The following ANXA8 variants were observed in gnomAD, a reference collection of about 807,000 sequenced individuals.
ANXA8 encodes VAC-beta.
A neutral mutation model predicts 26.8 loss-of-function variants in ANXA8; 9 were observed. That is an observed-to-expected ratio of 0.34 (90% confidence interval 0.20 to 0.59). ANXA8 has a LOEUF of 0.59. ANXA8 is among the 20% of genes least tolerant of loss of function. ANXA8 has a pLI of 0.84. For missense variants in ANXA8, 83 were observed against 238.5 expected, an observed-to-expected ratio of 0.35 and a Z score of 4.29; for synonymous variants, 39 against 94.8, an observed-to-expected ratio of 0.41 and a Z score of 3.42.
the ANXA8 span, among the ~76,000 whole-genome samples, chr10:47,546,212 A>AG: frequency 7.3e-6 from 1 of 136,758 alleles, no homozygotes; most frequent in African/African-American, 2.8e-5. Context: ...ATCTCCTCAC[A>AG]GAAAAAAAAA....
At chr10:47,588,141 T>A in the ANXA8 span, among the ~76,000 whole-genome samples, 9 of 144,144 alleles carry the variant, frequency 6.2e-5, no homozygotes, top group Non-Finnish European at 1.2e-4. Context: ...TGAAGTCTCT[T>A]TATTAAAGAC....
At chr10:47,969,224 C>A in the ANXA8 span, among the ~76,000 whole-genome samples, 1 of 151,400 alleles carries the variant, frequency 6.6e-6, no homozygotes, top group Admixed American at 6.6e-5. Flanking sequence ...ACAGTTACAC[C>A]GACCTGACAA....
At chr10:47,591,097 A>T in the ANXA8 span, among the ~76,000 whole-genome samples, 2 of 144,718 alleles carry the variant, frequency 1.4e-5, no homozygotes, top group Admixed American at 1.3e-4. Flanking sequence ...GATTAACAGT[A>T]ACTCTAATTG....
At chr10:47,639,979 A>T in the ANXA8 span, among the ~76,000 whole-genome samples, 3 of 145,578 alleles carry the variant, frequency 2.1e-5, no homozygotes, top group South Asian at 6.4e-4. Flanking sequence ...TTTTGTAGAG[A>T]CAGGGTTTCA....
At chr10:47,502,202 G>A in the ANXA8 span, 15 of 1,541,384 alleles carry the variant, frequency 9.7e-6, 3 homozygotes, top group African/African-American at 1.7e-4. Flanking sequence ...CACCCCGTCA[G>A]GAGCTGCTCC....
chr10:47,767,663 T>A, the ANXA8 span, among the ~76,000 whole-genome samples: 1 of 151,536 alleles, frequency 6.6e-6, no homozygotes, highest in Non-Finnish European at 1.5e-5. Flanking sequence ...CCTAGTTCAT[T>A]TCTGGCTGCA....
the ANXA8 span, chr10:47,502,514 G>A: frequency 2.5e-6 from 4 of 1,613,024 alleles, no homozygotes; most frequent in Non-Finnish European, 3.4e-6. Context: ...CTGTTGGCTA[G>A]CTCATTGCCA....
the ANXA8 span, among the ~76,000 whole-genome samples, chr10:47,659,455 G>A: frequency 4.6e-5 from 7 of 151,612 alleles, no homozygotes; most frequent in South Asian, 4.1e-4. Flanking sequence ...CGAGGTGGGC[G>A]GATCACCTGA....
intron 3 of ANXA8, chr10:47,478,211 C>A: frequency 1.9e-6 from 1 of 531,442 alleles, no homozygotes; most frequent in South Asian, 2.0e-5. Context: ...AGCCTGGGGG[C>A]AGGGAGACAG....
At chr10:47,647,075 A>G in the ANXA8 span, among the ~76,000 whole-genome samples, 1 of 152,238 alleles carries the variant, frequency 6.6e-6, no homozygotes, top group African/African-American at 2.4e-5. Context: ...GTGTGCTCCT[A>G]TGAGGAGTTC....
chr10:47,949,361 G>A, the ANXA8 span, among the ~76,000 whole-genome samples: 1 of 149,622 alleles, frequency 6.7e-6, no homozygotes, highest in Non-Finnish European at 1.5e-5. Context: ...AAGAGACAAG[G>A]AGCTGGGTAA....
chr10:47,895,740 C>T, the ANXA8 span, among the ~76,000 whole-genome samples: 1 of 142,686 alleles, frequency 7.0e-6, no homozygotes, highest in Non-Finnish European at 1.5e-5. Flanking sequence ...CAAATATTTG[C>T]CATGGCTTCT....
At chr10:47,488,471 G>A (rs1368170040), upstream of ANXA8, among the ~76,000 whole-genome samples, 6 of 150,048 alleles carry the variant, frequency 4.0e-5, no homozygotes, top group South Asian at 2.1e-4. Context: ...TTGGCTTCCC[G>A]AAGGGCTAGG....
the ANXA8 span, among the ~76,000 whole-genome samples, chr10:47,654,119 A>C: frequency 6.6e-5 from 10 of 151,810 alleles, no homozygotes; most frequent in Non-Finnish European, 4.4e-5. Context: ...AAGCACGTCC[A>C]TTTTAACATC....
the ANXA8 span, among the ~76,000 whole-genome samples, chr10:47,592,530 G>A: frequency 2.0e-5 from 3 of 149,472 alleles, no homozygotes; most frequent in Non-Finnish European, 4.4e-5. Flanking sequence ...GCCTGGTCAC[G>A]CCTGCAAGAG....
chr10:47,719,142 T>G, the ANXA8 span, among the ~76,000 whole-genome samples: 1 of 126,354 alleles, frequency 7.9e-6, no homozygotes, highest in Non-Finnish European at 1.6e-5. Flanking sequence ...AGAAGAAAAG[T>G]TCACCTCCTA....
At chr10:47,705,599 T>C in the ANXA8 span, among the ~76,000 whole-genome samples, 1 of 146,086 alleles carries the variant, frequency 6.8e-6, no homozygotes, top group Admixed American at 6.9e-5. Flanking sequence ...GAGTTTCAGG[T>C]TTTTGTAGAA....
chr10:47,916,733 T>G, the ANXA8 span, among the ~76,000 whole-genome samples: 918 of 127,316 alleles, frequency 7.2e-3, 2 homozygotes, highest in Middle Eastern at 0.028. Context: ...GAGCTAGGGT[T>G]CAGGCTGCGT....
the ANXA8 span, among the ~76,000 whole-genome samples, chr10:47,696,141 T>C: frequency 6.6e-6 from 1 of 151,924 alleles, no homozygotes; most frequent in South Asian, 2.1e-4. Context: ...AAATAAAAGC[T>C]ATTAAACCTT....
Sources: allele counts gnomAD v4.1 joint callset (sites outside exome capture counted in the v4.1 genomes callset), GRCh38; gene constraint gnomAD v4.1.1; transcripts MANE v1.5; gene names NCBI Gene and HGNC (gene_info 2026-07-23, HGNC 2026-07-21).